Variants in CADM2 observed in about 807,000 individuals in gnomAD.
CADM2 encodes cell adhesion molecule 2, also known as immunoglobulin superfamily member 4D.
A neutral mutation model predicts 49.8 loss-of-function variants in CADM2; 12 were observed. That is an observed-to-expected ratio of 0.24 (90% CI 0.15 to 0.39). CADM2 has a LOEUF of 0.39. CADM2 is among the 10% of genes least tolerant of loss of function. The pLI is 1.00. For missense variants in CADM2, 378 were observed against 492.3 expected (o/e 0.77, Z 2.20); for synonymous variants, 214 against 175.4 (o/e 1.22, Z -1.74).
chr3:85,910,203 A>G (rs1717400295), intron 5 of CADM2, among the ~76,000 whole-genome samples: 1 of 152,192 alleles, frequency 6.6e-6, no homozygotes, highest in Non-Finnish European at 1.5e-5. Flanking sequence ...AACAACCAGC[A>G]GTAATACTTT....
intron 7 of CADM2, among the ~76,000 whole-genome samples, chr3:85,956,481 C>T (rs1307657966): frequency 6.6e-6 from 1 of 151,508 alleles, no homozygotes; most frequent in African/African-American, 2.4e-5. Context: ...AAACTCTAAC[C>T]TCTATTTCAT....
At chr3:85,333,240 T>A (rs111325576) in intron 1 of CADM2, among the ~76,000 whole-genome samples, 3 of 151,808 alleles carry the variant, frequency 2.0e-5, no homozygotes, top group African/African-American at 7.2e-5. Context: ...TATGTTGTAA[T>A]AGTGATACAT....
At chr3:85,780,781 C>T (rs1042150410) in intron 2 of CADM2, among the ~76,000 whole-genome samples, 1 of 152,070 alleles carries the variant, frequency 6.6e-6, no homozygotes, top group African/African-American at 2.4e-5. Flanking sequence ...CTTCAGTGTC[C>T]TTCTCCAATA....
chr3:85,540,205 G>A (rs2061508818), intron 1 of CADM2, among the ~76,000 whole-genome samples: 1 of 152,138 alleles, frequency 6.6e-6, no homozygotes, highest in East Asian at 1.9e-4. Flanking sequence ...GATAAAGGTG[G>A]CAGTAATCAT....
At position 85,732,094 on chromosome 3, in the gene CADM2, CA is replaced by C. The variant is rs3044020; in HGVS notation, c.88+5567del. ...GAAAACCCATCTCTACTAAGAATACCAAAAAAAAAAAAAAAAAAAAATTGCT... is the reference window on the plus strand; with the variant it reads ...GAAAACCCATCTCTACTAAGAATACCAAAAAAAAAAAAAAAAAAAATTGCT... On this transcript the variant is annotated intron_variant, in intron 2 of 9. Transcript: ENST00000383699. Among the ~76,000 whole-genome samples, 145 of 90,794 alleles carry C rather than the reference CA, an allele frequency of 1.6e-3. 1 individual carries two copies. The highest frequency in any genetic ancestry group is 3.1e-3 in the Admixed American group (24 of 7,802). The allele number at this position is 90,794 out of a possible 152,430, so 59.6% of individuals were successfully genotyped here.
intron 1 of CADM2, among the ~76,000 whole-genome samples, chr3:85,111,463 T>C (rs1369464687): frequency 1.3e-5 from 2 of 151,898 alleles, no homozygotes; most frequent in African/African-American, 4.8e-5. Context: ...GATGAAAATA[T>C]GTATTAGTGT....
At chr3:86,009,440 G>A (rs143108214) in intron 8 of CADM2, among the ~76,000 whole-genome samples, 6 of 151,466 alleles carry the variant, frequency 4.0e-5, no homozygotes, top group African/African-American at 1.4e-4. Context: ...ATTATTTTAG[G>A]AAGAAGATCA....
At chr3:85,801,776 T>C (rs925622560) in intron 2 of CADM2, among the ~76,000 whole-genome samples, 1 of 152,144 alleles carries the variant, frequency 6.6e-6, no homozygotes, top group African/African-American at 2.4e-5. Flanking sequence ...AATATAATAT[T>C]ACTATTTGAA....
intron 1 of CADM2, among the ~76,000 whole-genome samples, chr3:85,470,961 A>T (rs1269204012): frequency 2.0e-5 from 3 of 152,184 alleles, no homozygotes; most frequent in Non-Finnish European, 4.4e-5. Context: ...AAATACAGGC[A>T]AATTCCACAG....
chr3:85,030,860 C>G (rs2034945146), intron 1 of CADM2, among the ~76,000 whole-genome samples: 2 of 152,086 alleles, frequency 1.3e-5, no homozygotes, highest in South Asian at 4.1e-4. Context: ...ATCTTTCCAT[C>G]CTGTATCAGT....
chr3:85,974,080 G>A (rs1446580003), intron 8 of CADM2, among the ~76,000 whole-genome samples: 3 of 151,658 alleles, frequency 2.0e-5, no homozygotes, highest in Non-Finnish European at 4.4e-5. Context: ...TAATTTATAA[G>A]GCTGAGCCTA....
chr3:85,019,555 C>T (rs2034405693), intron 1 of CADM2, among the ~76,000 whole-genome samples: 1 of 152,084 alleles, frequency 6.6e-6, no homozygotes, highest in African/African-American at 2.4e-5. Flanking sequence ...AACAATTGGC[C>T]ACTCTAACTA....
intron 8 of CADM2, among the ~76,000 whole-genome samples, chr3:85,983,974 A>G (rs1727777159): frequency 1.3e-5 from 2 of 150,572 alleles, no homozygotes; most frequent in Non-Finnish European, 3.0e-5. Flanking sequence ...ACCAACCTTA[A>G]AATTCAGATT....
intron 1 of CADM2, among the ~76,000 whole-genome samples, chr3:85,139,715 G>A (rs2107625072): frequency 6.6e-6 from 1 of 152,266 alleles, no homozygotes; most frequent in South Asian, 2.1e-4. Flanking sequence ...GTTGGGCTAT[G>A]ATATCTGATG....
At chr3:85,638,789 A>G (rs1249547973) in intron 1 of CADM2, among the ~76,000 whole-genome samples, 1 of 151,832 alleles carries the variant, frequency 6.6e-6, no homozygotes, top group East Asian at 1.9e-4. Flanking sequence ...TTCTTTCATC[A>G]CAGAATATAA....
chr3:85,512,313 C>A (rs1033741733), intron 1 of CADM2, among the ~76,000 whole-genome samples: 3 of 152,066 alleles, frequency 2.0e-5, no homozygotes, highest in Non-Finnish European at 4.4e-5. Flanking sequence ...GAATGGCCTC[C>A]AGCTGAAACA....
intron 1 of CADM2, among the ~76,000 whole-genome samples, chr3:85,483,379 T>C (rs2039289199): frequency 6.6e-6 from 1 of 151,338 alleles, no homozygotes; most frequent in African/African-American, 2.4e-5. Context: ...AAATTTTGCA[T>C]ATGTTTGTGT....
intron 1 of CADM2, among the ~76,000 whole-genome samples, chr3:85,241,546 A>T (rs2042528986): frequency 6.6e-6 from 1 of 151,480 alleles, no homozygotes; most frequent in Non-Finnish European, 1.5e-5. Context: ...AATGCTGTTT[A>T]TTGTTTAAGA....
intron 1 of CADM2, among the ~76,000 whole-genome samples, chr3:85,337,334 A>G (rs1456402934): frequency 6.6e-6 from 1 of 151,324 alleles, no homozygotes; most frequent in Non-Finnish European, 1.5e-5. Context: ...AAGACAATTT[A>G]TACTTTCTCG....
Sources: allele counts gnomAD v4.1 joint callset (sites outside exome capture counted in the v4.1 genomes callset), GRCh38; gene constraint gnomAD v4.1.1; transcripts MANE v1.5; gene names NCBI Gene and HGNC (gene_info 2026-07-23, HGNC 2026-07-21).